ACTA2: variants seen among roughly 807,000 people sequenced by gnomAD.
ACTA2 encodes the protein actin alpha 2, smooth muscle.
In ACTA2, 12 loss-of-function variants were observed where a neutral mutation model predicts 39.5. The ratio of observed to expected loss-of-function variants is 0.30; its 90% CI spans 0.19 to 0.49. The LOEUF (loss-of-function observed/expected upper bound fraction) is 0.49. Among genes scored for constraint, ACTA2 ranks in the 20% least tolerant of loss-of-function variants. ACTA2 has a pLI of 0.99. For missense variants in ACTA2, 236 were observed against 498.8 expected (o/e 0.47, Z 5.02); for synonymous variants, 158 against 180.6 (o/e 0.88, Z 1.00).
chr10:88,986,379 C>T (rs915839859), intron 1 of ACTA2, among the ~76,000 whole-genome samples: 1 of 152,220 alleles, frequency 6.6e-6, no homozygotes, highest in African/African-American at 2.4e-5. Context: ...CCAGGGCCCA[C>T]AGAACAGATG....
At chr10:88,959,408 T>C (rs909156035) in intron 1 of ACTA2, among the ~76,000 whole-genome samples, 1 of 152,146 alleles carries the variant, frequency 6.6e-6, no homozygotes, top group Non-Finnish European at 1.5e-5. Flanking sequence ...TCCCAAAATA[T>C]GGCCTACGAA....
At chr10:88,988,092 T>C (rs1377013306) in intron 1 of ACTA2, among the ~76,000 whole-genome samples, 1 of 152,200 alleles carries the variant, frequency 6.6e-6, no homozygotes, top group African/African-American at 2.4e-5. Flanking sequence ...TACAATCACG[T>C]GAGCCAACTC....
intron 3 of ACTA2, among the ~76,000 whole-genome samples, chr10:88,945,492 A>C (rs1203667072): frequency 2.0e-5 from 3 of 152,152 alleles, no homozygotes; most frequent in African/African-American, 7.2e-5. Flanking sequence ...CTGCATTTAA[A>C]ATTTTTTATG....
intron 1 of ACTA2, among the ~76,000 whole-genome samples, chr10:88,962,956 T>C (rs1589409839): frequency 5.3e-5 from 1 of 18,758 alleles, no homozygotes. Flanking sequence ...TATATATATA[T>C]ATATATATAT....
chr10:88,980,416 T>TA (rs1229718477), intron 1 of ACTA2, among the ~76,000 whole-genome samples: 3 of 151,994 alleles, frequency 2.0e-5, no homozygotes, highest in Admixed American at 2.0e-4. Flanking sequence ...CAGGGATAAA[T>TA]AAGAGCCAGA....
chr10:88,964,737 T>C (rs1018576783), intron 1 of ACTA2, among the ~76,000 whole-genome samples: 6 of 152,122 alleles, frequency 3.9e-5, no homozygotes, highest in Non-Finnish European at 1.5e-5. Context: ...CAGCTACCCT[T>C]CAGCAAAAAG....
intron 8 of ACTA2, 178 bp from the exon 9 acceptor site, chr10:88,935,544 A>T: frequency 1.6e-6 from 1 of 642,912 alleles, no homozygotes; most frequent in South Asian, 1.8e-5. Context: ...CAGGACCGCC[A>T]GAGGGAGCCA....
intron 7 of ACTA2, among the ~76,000 whole-genome samples, chr10:88,939,092 C>A (rs1845800395): frequency 6.6e-6 from 1 of 152,158 alleles, no homozygotes; most frequent in African/African-American, 2.4e-5. Flanking sequence ...GAGCCTGCCT[C>A]TGTAAACAAC....
At chr10:88,981,966 G>C (rs1235407917) in intron 1 of ACTA2, among the ~76,000 whole-genome samples, 1 of 152,208 alleles carries the variant, frequency 6.6e-6, no homozygotes, top group East Asian at 1.9e-4. Context: ...AATCAGGAAA[G>C]TTATTCTTTC....
chr10:88,986,368 G>A (rs1186655960), intron 1 of ACTA2, among the ~76,000 whole-genome samples: 6 of 152,232 alleles, frequency 3.9e-5, no homozygotes, highest in African/African-American at 1.4e-4. Flanking sequence ...GGATTAAGAA[G>A]CCAGGGCCCA....
At chr10:88,949,906 T>C (rs1429816492) in intron 1 of ACTA2, among the ~76,000 whole-genome samples, 4 of 152,208 alleles carry the variant, frequency 2.6e-5, no homozygotes, top group African/African-American at 9.6e-5. Context: ...TTTAATTTTC[T>C]ATATTGAATG....
intron 1 of ACTA2, chr10:88,989,345 A>AT (rs1847029310): frequency 1.7e-5 from 4 of 233,322 alleles, no homozygotes; most frequent in African/African-American, 5.0e-5. Flanking sequence ...TTCTTTTTAC[A>AT]TTTTTTTATT....
chr10:88,970,874 A>AGTGT (rs72431070), intron 1 of ACTA2, among the ~76,000 whole-genome samples: 1 of 151,370 alleles, frequency 6.6e-6, no homozygotes, highest in African/African-American at 2.4e-5. Flanking sequence ...ATAATAAAAA[A>AGTGT]GTGTGTGTGT....
At chr10:88,977,401 C>T (rs1055527521) in intron 1 of ACTA2, among the ~76,000 whole-genome samples, 1 of 151,568 alleles carries the variant, frequency 6.6e-6, no homozygotes, top group African/African-American at 2.4e-5. Context: ...GTTTTCCCAG[C>T]ACCATTTATT....
At chr10:88,938,912 C>T (rs1279077749) in intron 7 of ACTA2, among the ~76,000 whole-genome samples, 1 of 152,068 alleles carries the variant, frequency 6.6e-6, no homozygotes, top group East Asian at 1.9e-4. Flanking sequence ...TTGCTTTTGC[C>T]AGGCAGTGGG....
rs367885573 is a variant in ACTA2 at position 88,990,942 on chromosome 10, G to C, written c.-27C>G. On this transcript the variant is annotated 5_prime_UTR_variant, in exon 1 of 5. Coordinates refer to the ACTA2 transcript ENST00000415557. The surrounding 1 kb of genome is among the most constrained non-coding windows in gnomAD (Gnocchi z 4.9). Reference sequence around the variant, plus strand: ...TCCTGCCCGGGTGGAGGCTTACCCCGTCTTAGTCCCGGGGATAGGCAAAGT... The same window carrying C: ...TCCTGCCCGGGTGGAGGCTTACCCCCTCTTAGTCCCGGGGATAGGCAAAGT... The C allele has an allele frequency of 1.9e-6, 3 of 1,613,938 alleles. No homozygotes were observed. The highest frequency in any genetic ancestry group is 2.5e-6 in the Non-Finnish European group (3 of 1,179,932).
intron 1 of ACTA2, among the ~76,000 whole-genome samples, chr10:88,961,714 A>G (rs1456177174): frequency 6.6e-6 from 1 of 152,172 alleles, no homozygotes; most frequent in Admixed American, 6.6e-5. Flanking sequence ...TCCTAAAATG[A>G]AGACTTTGTG....
At chr10:88,941,690 C>G (rs1023470970) in intron 5 of ACTA2, 95 bp downstream of exon 5, 2 of 1,167,622 alleles carry the variant, frequency 1.7e-6, no homozygotes, top group African/African-American at 1.5e-5. Flanking sequence ...CATTCTAACT[C>G]AACTCCAGTC....
intron 3 of ACTA2, among the ~76,000 whole-genome samples, chr10:88,944,173 A>C (rs1056185833): frequency 1.3e-5 from 2 of 152,132 alleles, no homozygotes; most frequent in Non-Finnish European, 2.9e-5. Flanking sequence ...TAAGGGCACA[A>C]CCCTTGATCA....
Sources: gnomAD v4.1 joint callset for allele counts (sites outside exome capture counted in the v4.1 genomes callset) on GRCh38, gnomAD v4.1.1 for gene constraint, Gnocchi (gnomAD v3.1) non-coding constraint, MANE v1.5 for transcripts, NCBI Gene and HGNC (gene_info 2026-07-23, HGNC 2026-07-21) for gene names.